ROBO2: variants seen among roughly 807,000 people sequenced by gnomAD.
ROBO2 encodes the protein roundabout guidance receptor 2, also known as roundabout homolog 2.
Under a neutral mutation model 160.8 loss-of-function variants are expected in ROBO2, and 53 were observed. The ratio of observed to expected loss-of-function variants is 0.33; its 90% CI spans 0.26 to 0.41. ROBO2 has a LOEUF of 0.41. Ranked by LOEUF, ROBO2 falls within the 10% of genes least tolerant of loss-of-function variation. ROBO2 has a pLI of 1.00. For missense variants in ROBO2, 1,577 were observed against 1,722.4 expected (o/e 0.92, Z 1.49); for synonymous variants, 664 against 611.7 (o/e 1.09, Z -1.26).
chr3:77,017,699 T>C, intron 2 of ROBO2, among the ~76,000 whole-genome samples: 1 of 152,302 alleles, frequency 6.6e-6, no homozygotes, highest in East Asian at 1.9e-4. Flanking sequence ...TTTTTATAGT[T>C]TATTGTTAAA....
At chr3:76,500,216 T>G (rs902927900) in intron 2 of ROBO2, among the ~76,000 whole-genome samples, 1 of 152,090 alleles carries the variant, frequency 6.6e-6, no homozygotes, top group Non-Finnish European at 1.5e-5. Context: ...CTTCCTGGGA[T>G]CAAGCAATCC....
At chr3:77,026,387 C>T (rs1017576787) in intron 2 of ROBO2, among the ~76,000 whole-genome samples, 4 of 152,178 alleles carry the variant, frequency 2.6e-5, no homozygotes, top group African/African-American at 7.2e-5. Context: ...CTCTAGTCAT[C>T]ACTGGCCCCA....
intron 2 of ROBO2, among the ~76,000 whole-genome samples, chr3:76,085,200 A>G (rs1386319528): frequency 1.4e-5 from 2 of 138,184 alleles, no homozygotes; most frequent in Admixed American, 7.3e-5. Context: ...ATATAGAAAC[A>G]TATCATTAAG....
intron 2 of ROBO2, among the ~76,000 whole-genome samples, chr3:77,348,018 T>C (rs2067863803): frequency 6.6e-6 from 1 of 152,132 alleles, no homozygotes; most frequent in Admixed American, 6.6e-5. Flanking sequence ...TCTGCTCAAC[T>C]AAGCCCAGGA....
At chr3:76,017,564 T>C (rs1388582119) in intron 2 of ROBO2, among the ~76,000 whole-genome samples, 1 of 152,132 alleles carries the variant, frequency 6.6e-6, no homozygotes, top group Non-Finnish European at 1.5e-5. Context: ...TATCTGAACA[T>C]CATCTCAGCC....
chr3:76,013,515 G>A (rs2066278047), intron 2 of ROBO2, among the ~76,000 whole-genome samples: 1 of 150,046 alleles, frequency 6.7e-6, no homozygotes, highest in South Asian at 2.1e-4. Flanking sequence ...GTTGGAGGCT[G>A]GGCACTGTGG....
At chr3:76,642,667 T>C (rs1693638737) in intron 2 of ROBO2, among the ~76,000 whole-genome samples, 1 of 152,026 alleles carries the variant, frequency 6.6e-6, no homozygotes, top group Non-Finnish European at 1.5e-5. Flanking sequence ...CTGCTCTTAA[T>C]TGTGTTTTGA....
At chr3:77,385,322 C>T (rs2073986672) in intron 2 of ROBO2, among the ~76,000 whole-genome samples, 1 of 152,176 alleles carries the variant, frequency 6.6e-6, no homozygotes, top group South Asian at 2.1e-4. Flanking sequence ...AGCCACCGCA[C>T]CTGGCCCAAA....
At chr3:76,849,234 T>C (rs956469073) in intron 2 of ROBO2, among the ~76,000 whole-genome samples, 3 of 152,208 alleles carry the variant, frequency 2.0e-5, no homozygotes, top group Admixed American at 2.0e-4. Flanking sequence ...AGGAAACAGC[T>C]TTTCTTAGGC....
intron 2 of ROBO2, among the ~76,000 whole-genome samples, chr3:77,294,511 A>T (rs571238897): frequency 6.8e-6 from 1 of 147,110 alleles, no homozygotes; most frequent in East Asian, 2.0e-4. Context: ...CATTAAGTAA[A>T]ATTGATGGTT....
intron 2 of ROBO2, among the ~76,000 whole-genome samples, chr3:76,102,067 G>C (rs538072757): frequency 7.0e-6 from 1 of 142,088 alleles, no homozygotes; most frequent in Non-Finnish European, 1.5e-5. Flanking sequence ...ATTGTACCCC[G>C]GGGTGTGATG....
At position 77,452,326 on chromosome 3, in the gene ROBO2, A is replaced by G. The variant is rs115784544; in HGVS notation, c.389-25088A>G. Among the ~76,000 whole-genome samples the G allele has an allele frequency of 6.2e-3, 940 of 152,278 alleles. 11 individuals are homozygous for G. The highest frequency in any genetic ancestry group is 0.021 in the African/African-American group (878 of 41,554). ...AGATTTCCAAACTTTATTTCATAGG[A>G]ATATTGTTTGGAATTGACTGAATTG... is the stretch of plus-strand genomic sequence containing the variant. On this transcript the variant is annotated intron_variant, in intron 2 of 25. Transcript: ENST00000461745.
intron 2 of ROBO2, among the ~76,000 whole-genome samples, chr3:77,133,432 A>G (rs1238282844): frequency 6.6e-6 from 1 of 152,206 alleles, no homozygotes; most frequent in East Asian, 1.9e-4. Context: ...AAATCAAATA[A>G]CAACTCTATT....
At chr3:76,699,097 A>G (rs1423808554) in intron 2 of ROBO2, among the ~76,000 whole-genome samples, 1 of 152,148 alleles carries the variant, frequency 6.6e-6, no homozygotes, top group African/African-American at 2.4e-5. Context: ...CTAGGCATTT[A>G]TTTTCTAGTC....
chr3:76,582,812 C>T (rs986458331), intron 2 of ROBO2, among the ~76,000 whole-genome samples: 16 of 152,042 alleles, frequency 1.1e-4, no homozygotes, highest in Admixed American at 9.2e-4. Flanking sequence ...CATTAAGCCA[C>T]TTCAGATAAC....
chr3:76,454,507 TGGTTA>T (rs1373706218), intron 2 of ROBO2, among the ~76,000 whole-genome samples: 1 of 152,138 alleles, frequency 6.6e-6, no homozygotes, highest in African/African-American at 2.4e-5. Context: ...GAGAGTATGG[TGGTTA>T]GAACGTTGGG....
chr3:76,474,815 C>A lies in ROBO2; in HGVS notation c.109+537213C>A, dbSNP rs74335468. 7.9e-5 allele frequency among the ~76,000 whole-genome samples: 12 copies of A among 152,170 alleles called. No individual in the cohort carries two copies. The East Asian group carries it at 2.3e-3, about 29-fold the overall frequency. On this transcript the variant is annotated intron_variant, in intron 2 of 26. Coordinates refer to the ROBO2 transcript ENST00000487694. ...GGGCTCACTCTTGCATCTGCAGATTCGAAACTGACTAAACTGAGCTGGACT... is the reference window on the plus strand; with the variant it reads ...GGGCTCACTCTTGCATCTGCAGATTAGAAACTGACTAAACTGAGCTGGACT...
chr3:77,621,728 G>T (rs546656481), intron 22 of ROBO2, among the ~76,000 whole-genome samples: 1 of 152,252 alleles, frequency 6.6e-6, no homozygotes, highest in East Asian at 1.9e-4. Context: ...AGATCGTGTG[G>T]GGAGGAAGCC....
intron 2 of ROBO2, among the ~76,000 whole-genome samples, chr3:76,502,480 TCC>T (rs2080515502): frequency 6.6e-6 from 1 of 152,244 alleles, no homozygotes; most frequent in South Asian, 2.1e-4. Context: ...TAGCAAGTGC[TCC>T]ACTGATATAA....
Sources: gnomAD v4.1 joint callset for allele counts (sites outside exome capture counted in the v4.1 genomes callset) on GRCh38, gnomAD v4.1.1 for gene constraint, MANE v1.5 for transcripts, NCBI Gene and HGNC (gene_info 2026-07-23, HGNC 2026-07-21) for gene names.